The following VGLL4 variants were observed in gnomAD, a reference collection of about 807,000 sequenced individuals.
VGLL4 encodes the protein vestigial like family member 4.
VGLL4 carries 7 observed loss-of-function variants against 21.0 expected under a neutral mutation model. The observed-to-expected ratio is 0.33, with a 90% CI of 0.19 to 0.63. The LOEUF (loss-of-function observed/expected upper bound fraction) is 0.63, where lower values mean the gene tolerates loss of function less well. Ranked by LOEUF, VGLL4 falls within the 20% of genes least tolerant of loss-of-function variation. The pLI is 0.78. For missense variants in VGLL4, 394 were observed against 425.7 expected (o/e 0.93, Z 0.66); for synonymous variants, 222 against 173.2 (o/e 1.28, Z -2.21).
chr3:11,572,868 C>A (rs2574710), intron 2 of VGLL4, among the ~76,000 whole-genome samples: 137,791 of 152,034 alleles, frequency 0.91, 62,686 homozygotes, highest in East Asian at 1. Flanking sequence ...GTTTTTCCTT[C>A]TGAAAATGAC....
chr3:11,603,402 C>T (rs540603238), intron 1 of VGLL4, among the ~76,000 whole-genome samples: 61 of 152,284 alleles, frequency 4.0e-4, no homozygotes, highest in African/African-American at 1.4e-3. Context: ...CTCAGAAATT[C>T]AGTATGATCT....
chr3:11,690,084 C>T (rs1163712619), intron 2 of VGLL4, among the ~76,000 whole-genome samples: 2 of 151,990 alleles, frequency 1.3e-5, no homozygotes, highest in East Asian at 1.9e-4. Context: ...TGTAATGCTT[C>T]GATTTCCTAA....
intron 2 of VGLL4, among the ~76,000 whole-genome samples, chr3:11,650,032 C>T (rs1008259914): frequency 3.3e-5 from 5 of 152,108 alleles, no homozygotes; most frequent in African/African-American, 4.8e-5. Flanking sequence ...CTTGACTTCC[C>T]AGGCTCAAGT....
chr3:11,570,333 C>A (rs773226575), intron 2 of VGLL4, among the ~76,000 whole-genome samples: 1 of 152,172 alleles, frequency 6.6e-6, no homozygotes, highest in Non-Finnish European at 1.5e-5. Context: ...CCTGCCCCAA[C>A]TGCAGAGACA....
intron 1 of VGLL4, among the ~76,000 whole-genome samples, chr3:11,613,532 C>A (rs1400730264): frequency 3.9e-5 from 6 of 152,188 alleles, no homozygotes; most frequent in Non-Finnish European, 7.3e-5. Context: ...CTCTGTAATA[C>A]CTCGCACGTG....
intron 1 of VGLL4, among the ~76,000 whole-genome samples, chr3:11,608,445 A>G (rs1004647543): frequency 6.6e-6 from 1 of 152,212 alleles, no homozygotes. Context: ...AATTTCCCCA[A>G]AGAAGATAAG....
Position 11,649,895 on chromosome 3 carries a change from A to ATTTGGTTTGG in VGLL4, c.65-47883_65-47874dup, listed in dbSNP as rs139823468. Among the ~76,000 whole-genome samples, 205 of 144,626 alleles carry ATTTGGTTTGG rather than the reference A, an allele frequency of 1.4e-3. 1 individual carries two copies. Among genetic ancestry groups the ATTTGGTTTGG allele is most frequent in the East Asian group, 6.9e-3 (33 of 4,816 alleles). The allele number at this position is 144,626 out of a possible 152,430, so 94.9% of individuals were successfully genotyped here. A position where few individuals can be genotyped will look rare whatever the true frequency, so the allele number is the denominator to read the frequency against. ...CTCCCCCACAGCACACAAGTGCTCT[A>ATTTGGTTTGG]TTTGGTTTGGTTTGGTTTGGTTTGG... is the stretch of plus-strand genomic sequence containing the variant. On this transcript the variant is annotated intron_variant, in intron 2 of 5. Transcript: ENST00000273038.
In VGLL4 at chr3:11,568,823, C is replaced by G; in HGVS notation, c.273-3804G>C. 1 of 1,421,754 alleles carries G rather than the reference C, an allele frequency of 7.0e-7. No homozygotes were observed. The highest frequency in any genetic ancestry group is 1.5e-5 in the South Asian group (1 of 67,178). 88.1% of individuals were successfully genotyped at this position (1,421,754 alleles called of 1,614,324 possible). A position where few individuals can be genotyped will look rare whatever the true frequency, so the allele number is the denominator to read the frequency against. On this transcript the variant is annotated intron_variant, in intron 2 of 4. Transcript: ENST00000430365. The surrounding 1 kb of genome is among the most constrained non-coding windows in gnomAD (Gnocchi z 5.9). ...GAGCCCACGGCATCCCCGCGAACAC[C>G]CAAAGGACTCTGAGTGGCTCCGTGC...
chr3:11,704,533 G>C (rs921024752), intron 1 of VGLL4, among the ~76,000 whole-genome samples: 1 of 150,674 alleles, frequency 6.6e-6, no homozygotes, highest in Non-Finnish European at 1.5e-5. Flanking sequence ...AGCTGCCTTC[G>C]AGGAGCTTTC....
intron 2 of VGLL4, among the ~76,000 whole-genome samples, chr3:11,582,995 C>T (rs2074272906): frequency 6.6e-6 from 1 of 152,214 alleles, no homozygotes; most frequent in Non-Finnish European, 1.5e-5. Flanking sequence ...GGTGAACTTA[C>T]AGGTGGGTGC....
upstream of VGLL4, among the ~76,000 whole-genome samples, chr3:11,644,770 T>TG (rs2075761435): frequency 6.9e-6 from 1 of 145,046 alleles, no homozygotes; most frequent in African/African-American, 2.6e-5. Flanking sequence ...TGCTTGAACC[T>TG]GAGAGGAGGA....
intron 2 of VGLL4, among the ~76,000 whole-genome samples, chr3:11,592,613 A>G (rs935790197): frequency 3.3e-5 from 5 of 152,202 alleles, no homozygotes; most frequent in African/African-American, 1.2e-4. Flanking sequence ...ACTATCAGGC[A>G]TTAGGGTCCA....
chr3:11,651,665 G>A (rs763421062), intron 2 of VGLL4, among the ~76,000 whole-genome samples: 6 of 151,828 alleles, frequency 4.0e-5, no homozygotes, highest in Non-Finnish European at 7.4e-5. Context: ...CAACTAAGCT[G>A]CTGAGTTAAA....
intron 1 of VGLL4, among the ~76,000 whole-genome samples, chr3:11,714,008 C>A (rs1394157320): frequency 6.6e-6 from 1 of 152,176 alleles, no homozygotes; most frequent in Non-Finnish European, 1.5e-5. Context: ...ACCCTGGCAA[C>A]AGGAGCTAGC....
At chr3:11,613,720 T>G (rs1214842485) in intron 1 of VGLL4, among the ~76,000 whole-genome samples, 5 of 152,202 alleles carry the variant, frequency 3.3e-5, no homozygotes, top group African/African-American at 4.8e-5. Context: ...GGGATTTCTA[T>G]GCGAATCAAT....
upstream of VGLL4, among the ~76,000 whole-genome samples, chr3:11,646,402 G>A (rs1057078013): frequency 2.0e-5 from 3 of 152,152 alleles, no homozygotes; most frequent in Non-Finnish European, 2.9e-5. Flanking sequence ...AGAGGTGGCT[G>A]CACATTAGAA....
At chr3:11,581,745 G>A (rs2074234000) in intron 2 of VGLL4, among the ~76,000 whole-genome samples, 1 of 152,188 alleles carries the variant, frequency 6.6e-6, no homozygotes, top group Admixed American at 6.5e-5. Flanking sequence ...GACTCCAACT[G>A]CAGCCAAGTG....
At chr3:11,640,987 G>C (rs2075677708) in intron 1 of VGLL4, among the ~76,000 whole-genome samples, 1 of 151,890 alleles carries the variant, frequency 6.6e-6, no homozygotes, top group South Asian at 2.1e-4. Flanking sequence ...CATGGTGGCA[G>C]GCACCTGTAA....
chr3:11,630,659 T>C (rs776847100), intron 1 of VGLL4, among the ~76,000 whole-genome samples: 1 of 151,756 alleles, frequency 6.6e-6, no homozygotes, highest in Non-Finnish European at 1.5e-5. Context: ...AAATAAAAAA[T>C]AAAAAAATAA....
Sources: allele counts gnomAD v4.1 joint callset (sites outside exome capture counted in the v4.1 genomes callset), GRCh38; gene constraint gnomAD v4.1.1; non-coding constraint Gnocchi (gnomAD v3.1); transcripts MANE v1.5; gene names NCBI Gene and HGNC (gene_info 2026-07-23, HGNC 2026-07-21).